OLA1: variants seen among roughly 807,000 people sequenced by gnomAD.
OLA1 encodes the protein obg-like ATPase 1.
In OLA1, 14 loss-of-function variants were observed where a neutral mutation model predicts 48.4. The ratio of observed to expected loss-of-function variants is 0.29; its 90% CI spans 0.19 to 0.45. The LOEUF is 0.45. Among genes scored for constraint, OLA1 ranks in the 20% least tolerant of loss-of-function variants. The pLI is 1.00. For synonymous variants in OLA1, 127 were observed against 150.4 expected (o/e 0.84, Z 1.14); for missense variants, 325 against 467.1 (o/e 0.70, Z 2.80).
chr2:174,233,657 G>A (rs1334220527), intron 2 of OLA1, among the ~76,000 whole-genome samples: 1 of 152,200 alleles, frequency 6.6e-6, no homozygotes, highest in Non-Finnish European at 1.5e-5. Flanking sequence ...TTATAGGCGT[G>A]AGCCACTGTG....
At chr2:174,135,775 G>A (rs1441144146) in intron 5 of OLA1, among the ~76,000 whole-genome samples, 1 of 152,224 alleles carries the variant, frequency 6.6e-6, no homozygotes, top group Non-Finnish European at 1.5e-5. Context: ...AGAGGTAAAT[G>A]TGAAGATAAA....
Position 174,074,575 on chromosome 2 carries a change from CA to C in OLA1, c.*850del, listed in dbSNP as rs1233223142. 1 of 152,100 alleles carries C rather than the reference CA, an allele frequency of 6.6e-6. No homozygotes were observed. The highest frequency in any genetic ancestry group is 1.9e-4 in the East Asian group (1 of 5,198). 9.4% of individuals were successfully genotyped at this position (152,100 alleles called of 1,614,324 possible). Reference sequence around the variant, plus strand: ...TTTTATACACATTGCTGAATTGAAGCAAAACATAACCCACCAGACATCAATG... The same window carrying C: ...TTTTATACACATTGCTGAATTGAAGCAAACATAACCCACCAGACATCAATG... On this transcript the variant is annotated 3_prime_UTR_variant, in exon 11 of 11. Transcript: ENST00000284719.
At chr2:174,241,878 C>T (rs574921283) in intron 2 of OLA1, among the ~76,000 whole-genome samples, 14 of 152,372 alleles carry the variant, frequency 9.2e-5, no homozygotes, top group Admixed American at 3.9e-4. Flanking sequence ...TCAAGTGATC[C>T]GCTTGCCTCA....
chr2:174,168,321 G>A (rs1215835146), intron 4 of OLA1, among the ~76,000 whole-genome samples: 1 of 152,126 alleles, frequency 6.6e-6, no homozygotes, highest in African/African-American at 2.4e-5. Context: ...AAACTGAAGT[G>A]AGACTGGAGC....
chr2:174,144,028 C>T (rs1317870096), intron 4 of OLA1, among the ~76,000 whole-genome samples: 1 of 152,006 alleles, frequency 6.6e-6, no homozygotes, highest in Non-Finnish European at 1.5e-5. Context: ...TGCTTCAGGT[C>T]AGGAGTGAGC....
intron 7 of OLA1, 98 bp from the exon 8 acceptor site, chr2:174,082,162 C>A: frequency 1.5e-6 from 2 of 1,352,254 alleles, no homozygotes; most frequent in South Asian, 2.5e-5. Flanking sequence ...ATAAGAATTG[C>A]ACGGTTTTAT....
At chr2:174,171,199 T>C (rs1171283714) in intron 4 of OLA1, among the ~76,000 whole-genome samples, 3 of 152,176 alleles carry the variant, frequency 2.0e-5, no homozygotes, top group Non-Finnish European at 2.9e-5. Flanking sequence ...CTTAACGCCC[T>C]TCTCTTAACT....
chr2:174,092,532 T>C (rs529117217), intron 7 of OLA1, among the ~76,000 whole-genome samples: 1 of 151,964 alleles, frequency 6.6e-6, no homozygotes, highest in East Asian at 1.9e-4. Context: ...TGTGGTGGCA[T>C]GTGCCTGTAG....
chr2:174,168,351 G>A (rs945104684), intron 4 of OLA1, among the ~76,000 whole-genome samples: 1 of 151,588 alleles, frequency 6.6e-6, no homozygotes, highest in Non-Finnish European at 1.5e-5. Context: ...AGAAATCGAG[G>A]TTGCAGTTCA....
intron 2 of OLA1, 64 bp downstream of exon 2, chr2:174,246,651 T>C (rs757202161): frequency 5.5e-6 from 6 of 1,099,526 alleles, no homozygotes; most frequent in Non-Finnish European, 8.2e-6. Context: ...ACGGTTCCCA[T>C]TTCTACAATA....
intron 7 of OLA1, among the ~76,000 whole-genome samples, chr2:174,113,805 C>T (rs771781504): frequency 6.6e-6 from 1 of 152,166 alleles, no homozygotes; most frequent in Non-Finnish European, 1.5e-5. Flanking sequence ...GGAACAGTCG[C>T]ATTCAGGTCA....
At chr2:174,179,686 C>T (rs1336385776) in intron 4 of OLA1, among the ~76,000 whole-genome samples, 1 of 151,944 alleles carries the variant, frequency 6.6e-6, no homozygotes, top group Non-Finnish European at 1.5e-5. Context: ...TAAATGGTTC[C>T]ACTGGGCTTT....
chr2:174,119,940 AACAC>A (rs541858637), intron 7 of OLA1, among the ~76,000 whole-genome samples: 1 of 129,674 alleles, frequency 7.7e-6, no homozygotes, highest in Non-Finnish European at 1.7e-5. Context: ...ATGTGTGTAT[AACAC>A]ACACACACAC....
intron 5 of OLA1, among the ~76,000 whole-genome samples, chr2:174,139,409 G>T (rs1476585910): frequency 6.6e-6 from 1 of 152,136 alleles, no homozygotes; most frequent in Non-Finnish European, 1.5e-5. Flanking sequence ...TCCAGAACCG[G>T]GAAAGAAGAC....
In OLA1 at chr2:174,076,408, G is replaced by A. The variant is rs546912621; in HGVS notation, c.1090-881C>T. ...ATCGACTCCTCAACAATAAGGACTTGAGGATCTTTTGGGGGAAATTCTCAA... is the reference window on the plus strand; with the variant it reads ...ATCGACTCCTCAACAATAAGGACTTAAGGATCTTTTGGGGGAAATTCTCAA... On this transcript the variant is annotated intron_variant, in intron 10 of 10. Transcript: ENST00000284719. 1.1e-3 allele frequency among the ~76,000 whole-genome samples: 165 copies of A among 152,236 alleles called. 2 individuals carry two copies. The highest frequency in any genetic ancestry group is 3.5e-3 in the African/African-American group (146 of 41,534).
chr2:174,172,358 C>A, intron 4 of OLA1: 1 of 93,898 alleles, frequency 1.1e-5, no homozygotes, highest in South Asian at 4.0e-4. Flanking sequence ...AGAGTGCTCC[C>A]GAAGGCCAGG....
intron 7 of OLA1, among the ~76,000 whole-genome samples, chr2:174,089,259 C>A (rs189882570): frequency 6.6e-6 from 1 of 152,304 alleles, no homozygotes; most frequent in Admixed American, 6.5e-5. Flanking sequence ...TCAGAATCTG[C>A]ACTTTAACAA....
rs1294679766 is a variant in OLA1 at position 174,144,941 on chromosome 2, AAAAAAAAAAAATATATATAT to A, written c.374-2961_374-2942del. On this transcript the variant is annotated intron_variant, in intron 4 of 10. Transcript: ENST00000284719. ...AGTAAGACCCTGTTTAAAAAAAAAA[AAAAAAAAAAAATATATATAT>A]ATATATATATATATATATATAATCA... 2.2e-4 allele frequency among the ~76,000 whole-genome samples: 14 copies of A among 64,330 alleles called. 1 individual carries two copies. The highest frequency in any genetic ancestry group is 2.8e-4 in the Non-Finnish European group (9 of 32,434). 42.2% of individuals were successfully genotyped at this position (64,330 alleles called of 152,430 possible).
At chr2:174,224,619 A>G (rs77730795) in intron 3 of OLA1, among the ~76,000 whole-genome samples, 1 of 122,612 alleles carries the variant, frequency 8.2e-6, no homozygotes, top group African/African-American at 2.9e-5. Flanking sequence ...TTAAAAAACA[A>G]AAAAGACATG....
Sources: allele counts gnomAD v4.1 joint callset (sites outside exome capture counted in the v4.1 genomes callset), GRCh38; gene constraint gnomAD v4.1.1; transcripts MANE v1.5; gene names NCBI Gene and HGNC (gene_info 2026-07-23, HGNC 2026-07-21).